TRIM44: variants seen among roughly 807,000 people sequenced by gnomAD.
TRIM44 encodes tripartite motif-containing protein 44.
Under a neutral mutation model 37.4 loss-of-function variants are expected in TRIM44, and 13 were observed. The observed-to-expected ratio is 0.35, with a 90% CI of 0.23 to 0.55. The LOEUF is 0.55. Among genes scored for constraint, TRIM44 ranks in the 20% least tolerant of loss-of-function variants. The pLI is 0.89. For missense variants in TRIM44, 426 were observed against 437.2 expected (o/e 0.97, Z 0.23); for synonymous variants, 175 against 157.2 (o/e 1.11, Z -0.85).
intron 4 of TRIM44, among the ~76,000 whole-genome samples, chr11:35,761,780 C>A (rs1852732840): frequency 6.6e-6 from 1 of 152,234 alleles, no homozygotes; most frequent in East Asian, 1.9e-4. Context: ...ATGAATAAAA[C>A]TTCTCCTATG....
chr11:35,699,321 C>T (rs1409855281), intron 2 of TRIM44, among the ~76,000 whole-genome samples: 4 of 152,078 alleles, frequency 2.6e-5, no homozygotes, highest in Admixed American at 2.6e-4. Flanking sequence ...TAAACATAAT[C>T]CAGCATATAA....
chr11:35,699,550 G>C (rs1851754994), intron 2 of TRIM44, among the ~76,000 whole-genome samples: 1 of 151,966 alleles, frequency 6.6e-6, no homozygotes, highest in African/African-American at 2.4e-5. Flanking sequence ...CACAAGACAG[G>C]GATGCCCTCT....
At chr11:35,784,043 G>C (rs1381956648) in intron 4 of TRIM44, among the ~76,000 whole-genome samples, 1 of 152,172 alleles carries the variant, frequency 6.6e-6, no homozygotes, top group Admixed American at 6.5e-5. Flanking sequence ...AGGCCTACTG[G>C]GGAGCAGAAT....
chr11:35,697,159 A>G (rs1851713309), intron 2 of TRIM44, among the ~76,000 whole-genome samples: 1 of 149,914 alleles, frequency 6.7e-6, no homozygotes, highest in Non-Finnish European at 1.5e-5. Flanking sequence ...GGTGTGCTGC[A>G]CCCATTAACT....
At chr11:35,683,805 G>A (rs1461914634) in intron 1 of TRIM44, among the ~76,000 whole-genome samples, 3 of 151,466 alleles carry the variant, frequency 2.0e-5, no homozygotes, top group South Asian at 2.1e-4. Context: ...TCATTGATTT[G>A]TTCAGACTTT....
chr11:35,727,399 G>A (rs1852191207), intron 3 of TRIM44, among the ~76,000 whole-genome samples: 1 of 152,160 alleles, frequency 6.6e-6, no homozygotes, highest in South Asian at 2.1e-4. Context: ...GAATAAACTG[G>A]CCAGTAGAAG....
At chr11:35,679,439 T>C (rs930656026) in intron 1 of TRIM44, among the ~76,000 whole-genome samples, 1 of 152,132 alleles carries the variant, frequency 6.6e-6, no homozygotes, top group Non-Finnish European at 1.5e-5. Flanking sequence ...GGCACCCCAA[T>C]TTTCATGGTG....
At chr11:35,712,757 C>T (rs574335060) in intron 2 of TRIM44, among the ~76,000 whole-genome samples, 92 of 152,238 alleles carry the variant, frequency 6.0e-4, no homozygotes, top group African/African-American at 2.1e-3. Context: ...GCTGTCAGGA[C>T]TCCCCCATAG....
rs1411282549 is a variant in TRIM44 at position 35,735,513 on chromosome 11, C to T, written c.1007+68C>T. On this transcript the variant is annotated intron_variant, in intron 4 of 4. Coordinates refer to ENST00000299413, the MANE Select transcript of TRIM44 (RefSeq NM_017583.6). ...GAGTGACATTTGTGGCCTTTTAGTGCTCCATGAAATATAGACAGCCAAGGA... is the reference window on the plus strand; with the variant it reads ...GAGTGACATTTGTGGCCTTTTAGTGTTCCATGAAATATAGACAGCCAAGGA... 9 of 1,498,740 alleles carry T rather than the reference C, an allele frequency of 6.0e-6. No individual in the cohort carries two copies. In the East Asian group the frequency reaches 9.0e-5, roughly 15 times the overall value. 92.8% of individuals were successfully genotyped at this position (1,498,740 alleles called of 1,614,324 possible).
rs189887749 is a variant in TRIM44 at position 35,802,328 on chromosome 11, G to A, written c.1008-4030G>A. On this transcript the variant is annotated intron_variant, in intron 4 of 4. Transcript: ENST00000299413. ...ATTGTCTCCTTTACTATTGCTTGCGGTTCTCTCATAGGACTCCTCTAAGGG... is the reference window on the plus strand; with the variant it reads ...ATTGTCTCCTTTACTATTGCTTGCGATTCTCTCATAGGACTCCTCTAAGGG... Among the ~76,000 whole-genome samples the A allele has an allele frequency of 7.2e-5, 11 of 152,216 alleles. No individual in the cohort carries two copies. The East Asian group carries it at 1.9e-3, about 27-fold the overall frequency.
chr11:35,729,424 G>C (rs1852225240), intron 3 of TRIM44, among the ~76,000 whole-genome samples: 1 of 152,150 alleles, frequency 6.6e-6, no homozygotes, highest in Admixed American at 6.5e-5. Flanking sequence ...GTGGAACTCT[G>C]ACTTCTGCCG....
chr11:35,734,214 G>A (rs1283434614), intron 3 of TRIM44, among the ~76,000 whole-genome samples: 2 of 152,096 alleles, frequency 1.3e-5, no homozygotes, highest in Non-Finnish European at 2.9e-5. Context: ...GCTTCTTAAT[G>A]AATCCTACTG....
In TRIM44 at chr11:35,747,744, T is replaced by C. The variant is rs978115432; in HGVS notation, c.1007+12299T>C. 2.0e-5 allele frequency among the ~76,000 whole-genome samples: 3 copies of C among 152,252 alleles called. No homozygotes were observed. The East Asian group carries it at 5.8e-4, about 29-fold the overall frequency. ...TAAACATTAGTTTACTCACTGGCTG[T>C]GGAGCCATCAGCTGCCATTGCCTCT... On this transcript the variant is annotated intron_variant, in intron 4 of 4. Coordinates refer to ENST00000299413, the MANE Select transcript of TRIM44 (RefSeq NM_017583.6).
rs551139765 is a variant in TRIM44 at position 35,816,138 on chromosome 11, C to T, written c.*9753C>T. 2 of 152,256 alleles carry T rather than the reference C, an allele frequency of 1.3e-5. No individual in the cohort carries two copies. The highest frequency in any genetic ancestry group is 4.8e-5 in the African/African-American group (2 of 41,532). 9.4% of individuals were successfully genotyped at this position (152,256 alleles called of 1,614,324 possible). A position where few individuals can be genotyped will look rare whatever the true frequency, so the allele number is the denominator to read the frequency against. On this transcript the variant is annotated 3_prime_UTR_variant, in exon 5 of 5. Coordinates refer to ENST00000299413, the MANE Select transcript of TRIM44 (RefSeq NM_017583.6). ...ACTCCTCCGCCTCCTATTCTTCCGG[C>T]CTTTCCATCTGGAAACCATGAGCCT... is the stretch of plus-strand genomic sequence containing the variant.
At chr11:35,783,892 C>G (rs565334356) in intron 4 of TRIM44, among the ~76,000 whole-genome samples, 1 of 152,142 alleles carries the variant, frequency 6.6e-6, no homozygotes, top group Non-Finnish European at 1.5e-5. Context: ...GAGGGATACA[C>G]GTTTTGGGGT....
chr11:35,703,114 A>G (rs552214340), intron 2 of TRIM44, among the ~76,000 whole-genome samples: 3 of 152,334 alleles, frequency 2.0e-5, no homozygotes, highest in Non-Finnish European at 2.9e-5. Context: ...TATCCCGCAC[A>G]TGGCTCGGAG....
chr11:35,750,525 T>G (rs137997142), intron 4 of TRIM44, among the ~76,000 whole-genome samples: 1 of 152,322 alleles, frequency 6.6e-6, no homozygotes, highest in African/African-American at 2.4e-5. Context: ...ATAAAGACTT[T>G]GAGCAGCCTT....
chr11:35,778,759 G>A (rs992470492), intron 4 of TRIM44, among the ~76,000 whole-genome samples: 1 of 152,222 alleles, frequency 6.6e-6, no homozygotes, highest in Non-Finnish European at 1.5e-5. Context: ...GGTATCACCA[G>A]TGGAGGCTGC....
intron 3 of TRIM44, among the ~76,000 whole-genome samples, chr11:35,730,016 A>G (rs1327487135): frequency 1.3e-5 from 2 of 152,218 alleles, no homozygotes; most frequent in East Asian, 1.9e-4. Flanking sequence ...CTAAGGAGAA[A>G]AGAGAATTGA....
Sources: allele counts gnomAD v4.1 joint callset (sites outside exome capture counted in the v4.1 genomes callset), GRCh38; gene constraint gnomAD v4.1.1; transcripts MANE v1.5; gene names NCBI Gene and HGNC (gene_info 2026-07-23, HGNC 2026-07-21).